The following TMCC1 variants were observed in gnomAD, a reference collection of about 807,000 sequenced individuals.
TMCC1 encodes the protein transmembrane and coiled-coil domains protein 1.
A neutral mutation model predicts 52.4 loss-of-function variants in TMCC1; 15 were observed. The ratio of observed to expected loss-of-function variants is 0.29; its 90% CI spans 0.19 to 0.44. The LOEUF is 0.44. Among genes scored for constraint, TMCC1 ranks in the 20% least tolerant of loss-of-function variants. The pLI is 1.00. For synonymous variants in TMCC1, 279 were observed against 301.9 expected, an observed-to-expected ratio of 0.92 and a Z score of 0.79; for missense variants, 503 against 806.0, an observed-to-expected ratio of 0.62 and a Z score of 4.55.
At chr3:129,814,754 A>C (rs2058013209) in intron 4 of TMCC1, among the ~76,000 whole-genome samples, 1 of 152,190 alleles carries the variant, frequency 6.6e-6, no homozygotes, top group Non-Finnish European at 1.5e-5. Context: ...AAGTAGCTAT[A>C]CTTACATCAT....
At chr3:129,827,568 A>G (rs925940808) in intron 4 of TMCC1, among the ~76,000 whole-genome samples, 1 of 152,244 alleles carries the variant, frequency 6.6e-6, no homozygotes, top group African/African-American at 2.4e-5. Context: ...TTAAGGTTTT[A>G]ACGAAAGGAT....
At chr3:129,852,018 T>G (rs1205504365) in intron 2 of TMCC1, among the ~76,000 whole-genome samples, 1 of 151,972 alleles carries the variant, frequency 6.6e-6, no homozygotes, top group Non-Finnish European at 1.5e-5. Flanking sequence ...CCGGGTGTGG[T>G]TGCACATGCC....
At chr3:129,854,883 T>G (rs1027607357) in intron 2 of TMCC1, among the ~76,000 whole-genome samples, 6 of 152,174 alleles carry the variant, frequency 3.9e-5, no homozygotes, top group Non-Finnish European at 7.3e-5. Flanking sequence ...GACCCTAAGT[T>G]CCATGGGGGA....
At chr3:129,744,628 C>T (rs2051765220) in intron 4 of TMCC1, among the ~76,000 whole-genome samples, 1 of 152,196 alleles carries the variant, frequency 6.6e-6, no homozygotes, top group Non-Finnish European at 1.5e-5. Context: ...CATACACACA[C>T]ATATATCACC....
intron 6 of TMCC1, among the ~76,000 whole-genome samples, chr3:129,654,625 C>T (rs2086556062): frequency 6.6e-6 from 1 of 152,116 alleles, no homozygotes; most frequent in East Asian, 1.9e-4. Flanking sequence ...ATAAAAGCCC[C>T]CTTTCCCACA....
rs869170594 is a variant in TMCC1 at position 129,764,757 on chromosome 3, GTATATATATATATA to G, written c.576+63032_576+63045del. Among the ~76,000 whole-genome samples the G allele has an allele frequency of 8.0e-4, 59 of 73,384 alleles. 2 individuals carry two copies. The highest frequency in any genetic ancestry group is 5.4e-3 in the African/African-American group (54 of 10,056). 48.1% of individuals were successfully genotyped at this position (73,384 alleles called of 152,430 possible). On this transcript the variant is annotated intron_variant, in intron 4 of 6. Coordinates refer to ENST00000393238, the MANE Select transcript of TMCC1 (RefSeq NM_001017395.5). Reference sequence around the variant, plus strand: ...ATTGTGTGTGTGTGTGTGTGTGTGTGTATATATATATATATATATATATATATATATATTTTTTT... The same window carrying G: ...ATTGTGTGTGTGTGTGTGTGTGTGTGTATATATATATATATATATTTTTTT...
intron 6 of TMCC1, 129 bp downstream of exon 6, chr3:129,654,839 A>AT: frequency 7.9e-7 from 1 of 1,270,958 alleles, no homozygotes; most frequent in Admixed American, 2.4e-5. Flanking sequence ...AAGAGTAGGT[A>AT]TACTCTTACA....
rs2058730746 is a variant in TMCC1, at chr3:129,827,942, G to T, written c.437C>A (p.Thr146Lys). 1 of 1,614,140 alleles carries T rather than the reference G, an allele frequency of 6.2e-7. No individual in the cohort carries two copies. The highest frequency in any genetic ancestry group is 8.5e-7 in the Non-Finnish European group (1 of 1,180,004). Reference sequence around the variant, plus strand: ...GGGTCGGCCTGACTGCATAACAGCTGTCATCTCCTGACCAGACTTCCTGTT... The same window carrying T: ...GGGTCGGCCTGACTGCATAACAGCTTTCATCTCCTGACCAGACTTCCTGTT... Reference protein sequence around the residue: ...QINRKSGQEMTAVMQSGRPRS... With the variant: ...QINRKSGQEMKAVMQSGRPRS... Residue 146 changes from threonine (T) to lysine (K), a missense_variant, in exon 4 of 7, where the codon ACA becomes AAA. By Grantham distance (78) the Thr-to-Lys change is moderately conservative. Coordinates refer to ENST00000393238, the MANE Select transcript of TMCC1 (RefSeq NM_001017395.5).
intron 2 of TMCC1, among the ~76,000 whole-genome samples, chr3:129,836,795 G>A (rs1211344009): frequency 6.6e-6 from 1 of 152,230 alleles, no homozygotes; most frequent in Non-Finnish European, 1.5e-5. Flanking sequence ...TGCAATCATA[G>A]GAGAGTTCCC....
rs756209584 is a variant in TMCC1 at position 129,670,517 on chromosome 3, C to T, written c.1324G>A (p.Val442Ile). The change falls in exon 5 of 7, where the codon GTA becomes ATA. Residue 442 changes from valine (V) to isoleucine (I), a missense_variant. Val to Ile is a conservative substitution (Grantham distance 29). Transcript: ENST00000393238. Reference sequence around the variant, plus strand: ...TTTGTTTTGGAGCTGGATGCTCCTACAGCGATGCCCCCTGTGGTGCTGTTG... The same window carrying T: ...TTTGTTTTGGAGCTGGATGCTCCTATAGCGATGCCCCCTGTGGTGCTGTTG... Reference protein sequence around the residue: ...GANSTTGGIAVGASSSKTNTL... With the variant: ...GANSTTGGIAIGASSSKTNTL... 3.7e-6 allele frequency: 6 copies of T among 1,614,208 alleles called. No individual in the cohort carries two copies. The highest frequency in any genetic ancestry group is 4.2e-6 in the Non-Finnish European group (5 of 1,180,030).
At chr3:129,750,883 A>G (rs1011372044) in intron 4 of TMCC1, among the ~76,000 whole-genome samples, 8 of 150,260 alleles carry the variant, frequency 5.3e-5, no homozygotes, top group Non-Finnish European at 1.2e-4. Context: ...CCAGATCTAA[A>G]TATTTTTAAA....
At chr3:129,725,048 A>G (rs1025834567) in intron 4 of TMCC1, among the ~76,000 whole-genome samples, 1 of 152,214 alleles carries the variant, frequency 6.6e-6, no homozygotes, top group Non-Finnish European at 1.5e-5. Context: ...CAGATTTCCA[A>G]ATTTCTGATA....
rs2089058818 is a variant in TMCC1, at chr3:129,682,355, T to C, written c.577-11091A>G. Among the ~76,000 whole-genome samples, 2 of 152,158 alleles carry C rather than the reference T, an allele frequency of 1.3e-5. 1 individual carries two copies. The highest frequency in any genetic ancestry group is 2.9e-5 in the Non-Finnish European group (2 of 68,024). ...TGAAGAAGAAAATATAAACTACAAATTGTTTTCAAATGAAATACTCAAATA... is the reference window on the plus strand; with the variant it reads ...TGAAGAAGAAAATATAAACTACAAACTGTTTTCAAATGAAATACTCAAATA... On this transcript the variant is annotated intron_variant, in intron 4 of 6. Transcript: ENST00000393238.
intron 4 of TMCC1, among the ~76,000 whole-genome samples, chr3:129,691,276 G>C (rs1305140868): frequency 3.3e-5 from 5 of 152,174 alleles, no homozygotes; most frequent in Non-Finnish European, 7.4e-5. Flanking sequence ...GGCTCTGCGT[G>C]GTGGCTCATA....
At chr3:129,750,031 A>G (rs1396983100) in intron 4 of TMCC1, among the ~76,000 whole-genome samples, 3 of 152,194 alleles carry the variant, frequency 2.0e-5, no homozygotes, top group Non-Finnish European at 4.4e-5. Context: ...ATGATGCATT[A>G]TTATGCATTT....
At chr3:129,772,220 T>C (rs2054646380) in intron 4 of TMCC1, among the ~76,000 whole-genome samples, 1 of 151,902 alleles carries the variant, frequency 6.6e-6, no homozygotes, top group Non-Finnish European at 1.5e-5. Context: ...TAACTGAGCA[T>C]GGTAGTGGAT....
At chr3:129,722,116 T>C (rs1033745150) in intron 4 of TMCC1, among the ~76,000 whole-genome samples, 5 of 152,140 alleles carry the variant, frequency 3.3e-5, no homozygotes, top group Admixed American at 6.5e-5. Flanking sequence ...GGAAATAGTT[T>C]AATCCAGGGA....
intron 1 of TMCC1, among the ~76,000 whole-genome samples, chr3:129,889,859 G>C (rs180837216): frequency 3.5e-4 from 53 of 149,698 alleles, no homozygotes; most frequent in Middle Eastern, 3.4e-3. Context: ...TATCAGGAAA[G>C]ATTTGGTCAA....
intron 2 of TMCC1, among the ~76,000 whole-genome samples, chr3:129,876,286 C>CAAA (rs61167884): frequency 4.7e-4 from 43 of 91,014 alleles, no homozygotes; most frequent in African/African-American, 1.0e-3. Flanking sequence ...ATGCCTGGCT[C>CAAA]AAAAAAAAAA....
Sources: gnomAD v4.1 joint callset for allele counts (sites outside exome capture counted in the v4.1 genomes callset) on GRCh38, gnomAD v4.1.1 for gene constraint, MANE v1.5 for transcripts, NCBI Gene and HGNC (gene_info 2026-07-23, HGNC 2026-07-21) for gene names.